Variants in LONRF2 observed in about 807,000 individuals in gnomAD.
LONRF2 encodes LON peptidase N-terminal domain and ring finger 2.
LONRF2 carries 35 observed loss-of-function variants against 66.6 expected under a neutral mutation model. That is an observed-to-expected ratio of 0.53 (90% CI 0.40 to 0.70). The LOEUF (loss-of-function observed/expected upper bound fraction) is 0.70. Among genes scored for constraint, LONRF2 ranks in the 30% least tolerant of loss-of-function variants. The probability of loss-of-function intolerance (pLI) is 0.00; values close to 1 mark genes in which losing one functional copy is unlikely to be tolerated. For synonymous variants in LONRF2, 417 were observed against 418.1 expected, an observed-to-expected ratio of 1.00 and a Z score of 0.03; for missense variants, 902 against 1,002.1, an observed-to-expected ratio of 0.90 and a Z score of 1.35.
At chr2:100,308,964 T>C (rs1221397845) in intron 2 of LONRF2, 143 bp downstream of exon 2, 6 of 505,662 alleles carry the variant, frequency 1.2e-5, no homozygotes, top group African/African-American at 9.7e-5. Context: ...TAGTGTGAGG[T>C]GGATTGCTAA....
At chr2:100,295,835 G>C (rs1675055804) in intron 7 of LONRF2, among the ~76,000 whole-genome samples, 2 of 152,234 alleles carry the variant, frequency 1.3e-5, no homozygotes, top group Non-Finnish European at 2.9e-5. Context: ...GGTGAGAGGG[G>C]AGGAAGTGAA....
In LONRF2 at chr2:100,274,693, C is replaced by A. The variant is rs1251674820; in HGVS notation, c.*9605G>T. ...CCAGGCACCAGGCAGCTGGAGACCACCCCTGTAGCTACTGCCCAAGACATT... is the reference window on the plus strand; with the variant it reads ...CCAGGCACCAGGCAGCTGGAGACCAACCCTGTAGCTACTGCCCAAGACATT... On this transcript the variant is annotated 3_prime_UTR_variant, in exon 12 of 12. Transcript: ENST00000393437. 6.6e-6 allele frequency: 1 copy of A among 152,512 alleles called. No individual in the cohort carries two copies. The highest frequency in any genetic ancestry group is 2.4e-5 in the African/African-American group (1 of 41,468). 9.4% of individuals were successfully genotyped at this position (152,512 alleles called of 1,614,324 possible).
chr2:100,321,592 C>T lies in LONRF2; in HGVS notation c.502G>A (p.Glu168Lys). The change falls in exon 1 of 12, where the codon GAG (glutamate) becomes AAG (lysine). Residue 168 changes from glutamate to lysine, a missense_variant. This residue lies in a region of LONRF2 where 585 missense variants were observed against 569.9 expected (regional missense o/e 1.03). Coordinates refer to ENST00000393437, the MANE Select transcript of LONRF2 (RefSeq NM_198461.4). ...CGLTVCKRCV[E>K]PGPARPQVRR... ...ACCTGCGGCCGCGCGGGCCCTGGCTCCACGCAGCGCTTGCAGACTGTGAGC... is the reference window on the plus strand; with the variant it reads ...ACCTGCGGCCGCGCGGGCCCTGGCTTCACGCAGCGCTTGCAGACTGTGAGC... 6.6e-7 allele frequency: 1 copy of T among 1,525,440 alleles called. No homozygotes were observed. Among genetic ancestry groups the T allele is most frequent in the Non-Finnish European group, 8.7e-7 (1 of 1,148,700 alleles). The allele number at this position is 1,525,440 out of a possible 1,614,324, so 94.5% of individuals were successfully genotyped here.
At chr2:100,289,366 A>G (rs7609376) in intron 10 of LONRF2, among the ~76,000 whole-genome samples, 94,821 of 151,152 alleles carry the variant, frequency 0.63, 30,315 homozygotes, top group East Asian at 0.95. Context: ...CTACAGCATC[A>G]AATACAAATC....
chr2:100,295,302 G>T, intron 8 of LONRF2, 130 bp downstream of exon 8: 3 of 669,358 alleles, frequency 4.5e-6, no homozygotes, highest in Admixed American at 6.1e-5. Flanking sequence ...AAAATATTTT[G>T]CAATTAACAT....
chr2:100,309,110 A>C lies in LONRF2; in HGVS notation c.795T>G (p.Ile265Met). The C allele has an allele frequency of 6.4e-7, 1 of 1,566,240 alleles. No individual in the cohort carries two copies. Among genetic ancestry groups the C allele is most frequent in the East Asian group, 2.3e-5 (1 of 44,322 alleles). ...CAAAGCTAACAAATACAAATACCTT[A>C]ATCAAGAGAGGTTCATTCTGACAAG... ...SAACQNEPLL[I>M]KGHQVKAQAL... Residue 265 changes from isoleucine (I) to methionine (M), a missense_variant, in exon 2 of 12, where the codon ATT becomes ATG. Ile to Met is a conservative substitution (Grantham distance 10). Around this residue, in one of 2 missense-constraint regions of LONRF2, gnomAD observed 585 missense variants for 569.9 expected, o/e 1.03. Coordinates refer to ENST00000393437, the MANE Select transcript of LONRF2 (RefSeq NM_198461.4).
rs1674516391 is a variant in LONRF2 at position 100,272,383 on chromosome 2, C to T, written c.*11915G>A. 6.6e-6 allele frequency among the ~76,000 whole-genome samples: 1 copy of T among 152,038 alleles called. No homozygotes were observed. The highest frequency in any genetic ancestry group is 6.5e-5 in the Admixed American group (1 of 15,268). Reference sequence around the variant, plus strand: ...GTATAGCGGCATGCACCTGTGGTCCCAGCTACTCAGAAGGTTGAGGCAGGA... The same window carrying T: ...GTATAGCGGCATGCACCTGTGGTCCTAGCTACTCAGAAGGTTGAGGCAGGA... On this transcript the variant is annotated 3_prime_UTR_variant, in exon 12 of 12. Coordinates refer to ENST00000393437, the MANE Select transcript of LONRF2 (RefSeq NM_198461.4).
rs1254940261 is a variant in LONRF2, at chr2:100,274,692, A to AC, written c.*9605dup. The AC allele has an allele frequency of 6.6e-6, 1 of 152,220 alleles. No homozygotes were observed. The highest frequency in any genetic ancestry group is 2.4e-5 in the African/African-American group (1 of 41,384). 9.4% of individuals were successfully genotyped at this position (152,220 alleles called of 1,614,324 possible). ...GCCAGGCACCAGGCAGCTGGAGACC[A>AC]CCCCTGTAGCTACTGCCCAAGACAT... On this transcript the variant is annotated 3_prime_UTR_variant, in exon 12 of 12. Transcript: ENST00000393437.
intron 11 of LONRF2, 23 bp downstream of exon 11, chr2:100,286,891 T>C: frequency 6.2e-7 from 1 of 1,609,380 alleles, no homozygotes; most frequent in Non-Finnish European, 8.5e-7. Flanking sequence ...AACAGAATTA[T>C]AAAGGAAAAA....
Position 100,282,011 on chromosome 2 carries a change from C to T in LONRF2, c.*2287G>A, listed in dbSNP as rs547344935. ...CAGTAAGTACCAATCTACTCCCACA[C>T]TGCAGTATGTGGGCGTGTGATGCTG... On this transcript the variant is annotated 3_prime_UTR_variant, in exon 12 of 12. Transcript: ENST00000393437. 4.6e-5 allele frequency: 7 copies of T among 152,198 alleles called. No individual in the cohort carries two copies. In the East Asian group the frequency reaches 1.4e-3, roughly 29 times the overall value. The allele number at this position is 152,198 out of a possible 1,614,324, so 9.4% of individuals were successfully genotyped here. A position where few individuals can be genotyped will look rare whatever the true frequency, so the allele number is the denominator to read the frequency against.
intron 1 of LONRF2, among the ~76,000 whole-genome samples, chr2:100,310,574 A>C (rs1403424485): frequency 6.6e-6 from 1 of 152,254 alleles, no homozygotes; most frequent in African/African-American, 2.4e-5. Flanking sequence ...AACTACTTAT[A>C]AATGTGTCAT....
intron 7 of LONRF2, among the ~76,000 whole-genome samples, chr2:100,297,669 G>T (rs1018576570): frequency 1.3e-5 from 2 of 152,134 alleles, no homozygotes; most frequent in Non-Finnish European, 2.9e-5. Flanking sequence ...ATGCCCAGAG[G>T]AAAACTGCAC....
chr2:100,303,797 G>C (rs1322730618), intron 2 of LONRF2, among the ~76,000 whole-genome samples: 2 of 152,032 alleles, frequency 1.3e-5, no homozygotes, highest in Non-Finnish European at 2.9e-5. Context: ...TATGACTTGA[G>C]TTTATCATTG....
intron 1 of LONRF2, among the ~76,000 whole-genome samples, chr2:100,320,489 C>G (rs1284405836): frequency 6.6e-6 from 1 of 151,988 alleles, no homozygotes; most frequent in Admixed American, 6.6e-5. Flanking sequence ...ATAATTTGTG[C>G]CTTCTAAAAG....
Position 100,272,973 on chromosome 2 carries a change from T to C in LONRF2, c.*11325A>G, listed in dbSNP as rs559638206. 6.6e-6 allele frequency among the ~76,000 whole-genome samples: 1 copy of C among 152,362 alleles called. No individual in the cohort carries two copies. Among genetic ancestry groups the C allele is most frequent in the African/African-American group, 2.4e-5 (1 of 41,588 alleles). On this transcript the variant is annotated 3_prime_UTR_variant, in exon 12 of 12. Transcript: ENST00000393437. ...TCATGTCCACTAGAACCTGTGGATA[T>C]AACCTTATTTGGAAATACAGTCTTT...
At chr2:100,293,762 T>C (rs1171525127) in intron 9 of LONRF2, among the ~76,000 whole-genome samples, 2 of 152,216 alleles carry the variant, frequency 1.3e-5, no homozygotes, top group African/African-American at 4.8e-5. Context: ...AATGTTTTTG[T>C]AGAGATGGGG....
At chr2:100,317,430 C>A (rs72958120) in intron 1 of LONRF2, among the ~76,000 whole-genome samples, 214 of 152,282 alleles carry the variant, frequency 1.4e-3, no homozygotes, top group African/African-American at 5.0e-3. Flanking sequence ...CTGTATTTAC[C>A]CATTCTGGCT....
chr2:100,298,532 C>T (rs576634721), intron 7 of LONRF2, among the ~76,000 whole-genome samples: 1 of 152,202 alleles, frequency 6.6e-6, no homozygotes, highest in Non-Finnish European at 1.5e-5. Flanking sequence ...ACATTAAGTG[C>T]ACCATGACAA....
chr2:100,298,842 A>G lies in LONRF2; in HGVS notation c.1470T>C (p.Leu490=). The change falls in exon 7 of 12, where the codon CTT becomes CTC. Residue 490 remains leucine, a synonymous_variant. Coordinates refer to ENST00000393437, the MANE Select transcript of LONRF2 (RefSeq NM_198461.4). The stretch of plus-strand genomic sequence containing the variant: ...TTTCCTAAAGTGTACTTACTTCCGA[A>G]AGTTTGTCTTTGCACAAAGGACAGT... ...APHCPLCKDK[L]SELLASRNFN... The G allele has an allele frequency of 6.2e-7, 1 of 1,613,332 alleles. No homozygotes were observed. Among genetic ancestry groups the G allele is most frequent in the Non-Finnish European group, 8.5e-7 (1 of 1,179,272 alleles).
Sources: allele counts gnomAD v4.1 joint callset (sites outside exome capture counted in the v4.1 genomes callset), GRCh38; gene constraint gnomAD v4.1.1; regional missense constraint gnomAD v4.1.1; transcripts MANE v1.5; gene names NCBI Gene and HGNC (gene_info 2026-07-23, HGNC 2026-07-21).